ANKRD30A: variants seen among roughly 807,000 people sequenced by gnomAD.
ANKRD30A encodes ankyrin repeat domain-containing protein 30A.
ANKRD30A carries 170 observed loss-of-function variants against 166.3 expected under a neutral mutation model. That is an observed-to-expected ratio of 1.02 (90% CI 0.90 to 1.16). The LOEUF is 1.16. ANKRD30A is among the 50% of genes most tolerant of loss of function. The pLI, the probability that ANKRD30A is intolerant of heterozygous loss-of-function variation, is 0.00. For synonymous variants in ANKRD30A, 564 were observed against 508.9 expected (o/e 1.11, Z -1.46); for missense variants, 1,630 against 1,518.0 (o/e 1.07, Z -1.23).
chr10:37,238,529 G>T, the ANKRD30A span, among the ~76,000 whole-genome samples: 17 of 152,056 alleles, frequency 1.1e-4, no homozygotes, highest in Admixed American at 1.0e-3. Flanking sequence ...CTTGTTAAAA[G>T]AAAGTATTCT....
At chr10:37,205,720 C>T (rs1841949978) in intron 31 of ANKRD30A, among the ~76,000 whole-genome samples, 1 of 152,138 alleles carries the variant, frequency 6.6e-6, no homozygotes, top group Non-Finnish European at 1.5e-5. Flanking sequence ...ATATGAGCAG[C>T]CACACATGTA....
At chr10:37,150,993 C>T (rs1474092845) in intron 11 of ANKRD30A, among the ~76,000 whole-genome samples, 5 of 144,464 alleles carry the variant, frequency 3.5e-5, no homozygotes, top group South Asian at 2.1e-4. Context: ...AATGAGTGAA[C>T]ATGGTGACTT....
chr10:37,257,764 A>G, the ANKRD30A span, among the ~76,000 whole-genome samples: 1 of 152,206 alleles, frequency 6.6e-6, no homozygotes, highest in Admixed American at 6.5e-5. Flanking sequence ...ATTAGAGTAC[A>G]CCATGGAATA....
rs751747625 is a variant in ANKRD30A at position 37,149,689 on chromosome 10, T to C, written c.1572+10T>C. Reference sequence around the variant, plus strand: ...GCCATCTGCCTTCAAGGTATTTAGTTTTATTATTTCATTTTGAATGACTTA... The same window carrying C: ...GCCATCTGCCTTCAAGGTATTTAGTCTTATTATTTCATTTTGAATGACTTA... On this transcript the variant is annotated intron_variant, in intron 10 of 35. Coordinates refer to ENST00000361713, the MANE Select transcript of ANKRD30A (RefSeq NM_052997.3). 6.2e-6 allele frequency: 10 copies of C among 1,612,394 alleles called. No homozygotes were observed. The South Asian group carries it at 1.1e-4, about 18-fold the overall frequency.
intron 27 of ANKRD30A, among the ~76,000 whole-genome samples, chr10:37,195,347 G>A (rs1588896179): frequency 6.6e-6 from 1 of 152,030 alleles, no homozygotes; most frequent in African/African-American, 2.4e-5. Flanking sequence ...ATGGCGCTGT[G>A]CTCTCTTCCC....
At chr10:37,161,835 T>C (rs1564510154) in intron 15 of ANKRD30A, among the ~76,000 whole-genome samples, 1 of 152,210 alleles carries the variant, frequency 6.6e-6, no homozygotes, top group Non-Finnish European at 1.5e-5. Flanking sequence ...AAAAATTTAT[T>C]ATAGACTAAT....
chr10:37,255,197 T>G, the ANKRD30A span, among the ~76,000 whole-genome samples: 1 of 152,146 alleles, frequency 6.6e-6, no homozygotes, highest in Non-Finnish European at 1.5e-5. Flanking sequence ...ATGTTCTCAT[T>G]TAAAAATGGG....
At chr10:37,256,522 G>A in the ANKRD30A span, among the ~76,000 whole-genome samples, 2 of 152,168 alleles carry the variant, frequency 1.3e-5, no homozygotes, top group East Asian at 3.9e-4. Flanking sequence ...GCTCTATAAA[G>A]ACAGACCTTC....
intron 34 of ANKRD30A, among the ~76,000 whole-genome samples, chr10:37,228,026 G>T (rs1401592443): frequency 6.6e-6 from 1 of 151,916 alleles, no homozygotes; most frequent in Non-Finnish European, 1.5e-5. Context: ...TGCATTCCCA[G>T]AAGTCACCAT....
chr10:37,241,305 A>C, the ANKRD30A span: 2 of 150,958 alleles, frequency 1.3e-5, no homozygotes, highest in Non-Finnish European at 3.0e-5. Context: ...ATTATATAAT[A>C]TAAAAAATTG....
the ANKRD30A span, chr10:37,248,120 T>G: frequency 1.7e-6 from 1 of 597,106 alleles, no homozygotes; most frequent in Non-Finnish European, 3.3e-6. Flanking sequence ...CCCTGCAGAT[T>G]TTCACCGCTA....
intron 8 of ANKRD30A, among the ~76,000 whole-genome samples, chr10:37,146,181 TTGA>T (rs1313989868): frequency 4.7e-5 from 7 of 149,756 alleles, no homozygotes; most frequent in Admixed American, 3.4e-4. Context: ...TTTCTAATAC[TTGA>T]TTGCTTTCAT....
chr10:37,125,820 C>A lies in ANKRD30A; in HGVS notation c.33C>A (p.Val11=). The A allele has an allele frequency of 3.6e-6, 3 of 833,690 alleles. No individual in the cohort carries two copies. The highest frequency in any genetic ancestry group is 3.9e-6 in the Non-Finnish European group (2 of 519,116). 51.6% of individuals were successfully genotyped at this position (833,690 alleles called of 1,614,324 possible). Residue 11 remains valine, a synonymous_variant, in exon 1 of 36, where the codon GTC becomes GTA. Transcript: ENST00000361713. Reference sequence around the variant, plus strand: ...AGATCTCTGCCGCCGCTGTCAAGGTCGTGCCGGGCCCGGAGCGCCCGAGCC... The same window carrying A: ...AGATCTCTGCCGCCGCTGTCAAGGTAGTGCCGGGCCCGGAGCGCCCGAGCC... MEEISAAAVK[V]VPGPERPSPF... is the part of the protein sequence containing the mutation.
the ANKRD30A span, among the ~76,000 whole-genome samples, chr10:37,237,627 G>T: frequency 3.9e-5 from 6 of 152,218 alleles, no homozygotes; most frequent in Admixed American, 6.5e-5. Context: ...AGTCAGTGTA[G>T]TATTTACATA....
the ANKRD30A span, among the ~76,000 whole-genome samples, chr10:37,251,088 T>C: frequency 2.6e-5 from 4 of 151,974 alleles, no homozygotes; most frequent in African/African-American, 4.8e-5. Context: ...CAATGAAGAG[T>C]TGGTGATAGG....
At chr10:37,153,791 A>C in intron 13 of ANKRD30A, 129 bp downstream of exon 13, 1 of 1,314,086 alleles carries the variant, frequency 7.6e-7, no homozygotes, top group African/African-American at 1.5e-5. Context: ...GAGAAGTGCA[A>C]TGGTCGTAAG....
chr10:37,153,425 G>A, intron 12 of ANKRD30A, 147 bp from the exon 13 acceptor site: 1 of 1,199,094 alleles, frequency 8.3e-7, no homozygotes, highest in East Asian at 2.6e-5. Flanking sequence ...AAAATGTGTT[G>A]GTTTTCTATA....
chr10:37,178,965 A>G (rs1358067265), intron 24 of ANKRD30A, among the ~76,000 whole-genome samples: 4 of 149,376 alleles, frequency 2.7e-5, no homozygotes, highest in Admixed American at 2.7e-4. Flanking sequence ...CTAGAATTGG[A>G]CTAAACCTCA....
At position 37,197,429 on chromosome 10, in the gene ANKRD30A, T is replaced by A; in HGVS notation, c.2665T>A (p.Ser889Thr). 1.2e-6 allele frequency: 2 copies of A among 1,612,686 alleles called. No individual in the cohort carries two copies. The highest frequency in any genetic ancestry group is 1.1e-5 in the South Asian group (1 of 91,014). The change falls in exon 29 of 36, where the codon TCT (serine) becomes ACT (threonine). Residue 889 changes from serine (S) to threonine (T), a missense_variant. Ser to Thr is a moderately conservative substitution (Grantham distance 58). Around this residue, in one of 4 missense-constraint regions of ANKRD30A, gnomAD observed 712 missense variants for 629.3 expected, o/e 1.13. Coordinates refer to ENST00000361713, the MANE Select transcript of ANKRD30A (RefSeq NM_052997.3). ...TTAGCCTGCCATTGAAATGCAAAAG[T>A]CTGTTCCAAATAAAGCCTTGGAATT... ...AFEPAIEMQK[S>T]VPNKALELKN...
Sources: allele counts gnomAD v4.1 joint callset (sites outside exome capture counted in the v4.1 genomes callset), GRCh38; gene constraint gnomAD v4.1.1; regional missense constraint gnomAD v4.1.1; transcripts MANE v1.5; gene names NCBI Gene and HGNC (gene_info 2026-07-23, HGNC 2026-07-21).